The following RYR2 variants were observed in gnomAD, a reference collection of about 807,000 sequenced individuals.
RYR2 encodes cardiac muscle ryanodine receptor-calcium release channel.
Under a neutral mutation model 601.1 loss-of-function variants are expected in RYR2, and 227 were observed. The observed-to-expected ratio is 0.38, with a 90% CI of 0.34 to 0.42. The LOEUF (loss-of-function observed/expected upper bound fraction) is 0.42. Among genes scored for constraint, RYR2 ranks in the 10% least tolerant of loss-of-function variants. The probability of loss-of-function intolerance (pLI) is 1.00; values close to 1 mark genes in which losing one functional copy is unlikely to be tolerated. For synonymous variants in RYR2, 2,223 were observed against 2,175.1 expected, an observed-to-expected ratio of 1.02 and a Z score of -0.61; for missense variants, 4,646 against 6,156.5, an observed-to-expected ratio of 0.75 and a Z score of 8.21.
intron 2 of RYR2, among the ~76,000 whole-genome samples, chr1:237,313,644 T>C (rs1313778460): frequency 6.6e-6 from 1 of 152,166 alleles, no homozygotes; most frequent in African/African-American, 2.4e-5. Context: ...TCTAGAACTG[T>C]TAGAGAAAAA....
At chr1:237,812,433 A>ATC (rs1661350265) in intron 100 of RYR2, among the ~76,000 whole-genome samples, 1 of 152,176 alleles carries the variant, frequency 6.6e-6, no homozygotes, top group Admixed American at 6.5e-5. Flanking sequence ...GAAATTCCAG[A>ATC]AGTTTTGGAA....
intron 50 of RYR2, among the ~76,000 whole-genome samples, chr1:237,650,772 C>A (rs1056409704): frequency 6.6e-6 from 1 of 152,278 alleles, no homozygotes; most frequent in African/African-American, 2.4e-5. Flanking sequence ...AAGTTTTCAC[C>A]CATGGGGGAG....
chr1:237,746,396 G>A (rs1245248249), intron 80 of RYR2, among the ~76,000 whole-genome samples: 1 of 152,014 alleles, frequency 6.6e-6, no homozygotes, highest in East Asian at 1.9e-4. Context: ...ATTCCATAAA[G>A]TCATTGAGAA....
chr1:237,392,961 G>A (rs1208715782), intron 10 of RYR2, among the ~76,000 whole-genome samples: 1 of 152,164 alleles, frequency 6.6e-6, no homozygotes, highest in African/African-American at 2.4e-5. Context: ...TTACATTCTA[G>A]TGGGCATATG....
rs1664084075 is a variant in RYR2, at chr1:237,833,775, T to TTCATCAGTTGCATCAC, written c.*1129_*1144dup. The TTCATCAGTTGCATCAC allele has an allele frequency of 6.6e-6, 1 of 152,644 alleles. No individual in the cohort carries two copies. Among genetic ancestry groups the TTCATCAGTTGCATCAC allele is most frequent in the Non-Finnish European group, 1.5e-5 (1 of 68,030 alleles). The allele number at this position is 152,644 out of a possible 1,614,324, so 9.5% of individuals were successfully genotyped here. A position where few individuals can be genotyped will look rare whatever the true frequency, so the allele number is the denominator to read the frequency against. ...GCTGAAGCAATATCCATTCAGGGATTTCATCAGTTGCATCACAAAACACGG... is the reference window on the plus strand; with the variant it reads ...GCTGAAGCAATATCCATTCAGGGATTTCATCAGTTGCATCACTCATCAGTTGCATCACAAAACACGG... On this transcript the variant is annotated 3_prime_UTR_variant, in exon 105 of 105. Coordinates refer to ENST00000366574, the MANE Select transcript of RYR2 (RefSeq NM_001035.3).
Position 237,759,660 on chromosome 1 carries a change from A to G in RYR2, c.11326-116A>G. The G allele has an allele frequency of 4.1e-6, 3 of 733,580 alleles. No homozygotes were observed. The Admixed American group carries it at 6.1e-5, about 15-fold the overall frequency. 45.4% of individuals were successfully genotyped at this position (733,580 alleles called of 1,614,324 possible). ...TAAAGATGGCATTAGTCATGTTTGT[A>G]CGCAGTGAATATTTTCTGTCTATTC... On this transcript the variant is annotated intron_variant, in intron 82 of 104. Coordinates refer to ENST00000366574, the MANE Select transcript of RYR2 (RefSeq NM_001035.3).
At chr1:237,415,725 A>C (rs1176530609) in intron 10 of RYR2, among the ~76,000 whole-genome samples, 1 of 152,236 alleles carries the variant, frequency 6.6e-6, no homozygotes. Flanking sequence ...AAAGAAACTT[A>C]AGACCCCTAA....
rs1167337849 is a variant in RYR2 at position 237,503,354 on chromosome 1, C to T, written c.2462C>T (p.Pro821Leu). 6.2e-7 allele frequency: 1 copy of T among 1,613,784 alleles called. No homozygotes were observed. Among genetic ancestry groups the T allele is most frequent in the African/African-American group, 1.3e-5 (1 of 74,866 alleles). The stretch of plus-strand genomic sequence containing the variant: ...TTTCTTCCTCCACCTGGGTATGCTC[C>T]TTGTTATGAAGCTGTTCTGCCAAAA... ...FKFLPPPGYA[P>L]CYEAVLPKEK... Residue 821 changes from proline to leucine, a missense_variant, in exon 22 of 105, where the codon CCT (proline) becomes CTT (leucine). This residue lies in a region of RYR2 where 1,807 missense variants were observed against 2,088.1 expected (regional missense o/e 0.87). Coordinates refer to ENST00000366574, the MANE Select transcript of RYR2 (RefSeq NM_001035.3).
chr1:237,681,497 T>G (rs1273558768), intron 62 of RYR2, among the ~76,000 whole-genome samples: 2 of 152,148 alleles, frequency 1.3e-5, no homozygotes, highest in African/African-American at 4.8e-5. Context: ...ATTGTCTATT[T>G]TACCAAGTAG....
chr1:237,784,463 A>C lies in RYR2; in HGVS notation c.12751A>C (p.Asn4251His), dbSNP rs764955292. Reference sequence around the variant, plus strand: ...GTCGGCCCTGTTTGCGCTCAGGTACAATATCTTGACCCTTATGCGAATGCT... The same window carrying C: ...GTCGGCCCTGTTTGCGCTCAGGTACCATATCTTGACCCTTATGCGAATGCT... ...VRSALFALRY[N>H]ILTLMRMLSL... Residue 4251 changes from asparagine to histidine, a missense_variant, in exon 90 of 105, where the codon AAT becomes CAT. Around this residue, in one of 17 missense-constraint regions of RYR2, gnomAD observed 364 missense variants for 442.9 expected, o/e 0.82. Transcript: ENST00000366574. The surrounding 1 kb of genome is among the most constrained non-coding windows in gnomAD (Gnocchi z 7.1). The C allele has an allele frequency of 6.2e-7, 1 of 1,613,560 alleles. No individual in the cohort carries two copies. The highest frequency in any genetic ancestry group is 8.5e-7 in the Non-Finnish European group (1 of 1,179,782).
At chr1:237,788,771 A>G (rs542375321) in intron 92 of RYR2, among the ~76,000 whole-genome samples, 1 of 152,302 alleles carries the variant, frequency 6.6e-6, no homozygotes, top group East Asian at 1.9e-4. Flanking sequence ...TCCCCTAATT[A>G]GTAAAGCACA....
At chr1:237,299,188 G>C (rs907170879) in intron 2 of RYR2, among the ~76,000 whole-genome samples, 6 of 145,460 alleles carry the variant, frequency 4.1e-5, no homozygotes, top group Non-Finnish European at 7.5e-5. Flanking sequence ...GAGAAACTGA[G>C]AGTAAATCTC....
chr1:237,504,103 G>A (rs889422803), intron 22 of RYR2, among the ~76,000 whole-genome samples: 3 of 152,190 alleles, frequency 2.0e-5, no homozygotes, highest in Non-Finnish European at 2.9e-5. Flanking sequence ...CACTGTTCAA[G>A]GTTGTCTTTA....
At chr1:237,463,064 T>A (rs1558861499) in intron 16 of RYR2, among the ~76,000 whole-genome samples, 1 of 152,144 alleles carries the variant, frequency 6.6e-6, no homozygotes, top group Non-Finnish European at 1.5e-5. Context: ...CATTCTGAAG[T>A]GTTTTGTTTT....
At chr1:237,511,867 T>C (rs1320409743) in intron 24 of RYR2, 76 bp downstream of exon 24, 3 of 822,414 alleles carry the variant, frequency 3.6e-6, no homozygotes, top group Non-Finnish European at 5.5e-6. Flanking sequence ...AAACAGGTAT[T>C]GATGCTATAT....
chr1:237,639,502 C>T (rs970291607), intron 46 of RYR2, among the ~76,000 whole-genome samples: 6 of 152,156 alleles, frequency 3.9e-5, no homozygotes, highest in Admixed American at 6.5e-5. Flanking sequence ...GTAAATGATA[C>T]GAAGTGAACC....
chr1:237,271,657 A>C (rs1258864001), intron 2 of RYR2, among the ~76,000 whole-genome samples: 1 of 152,196 alleles, frequency 6.6e-6, no homozygotes, highest in African/African-American at 2.4e-5. Context: ...AAGAGCTATG[A>C]AGAGGGTAAA....
chr1:237,044,744 T>G (rs1189336930), intron 1 of RYR2, among the ~76,000 whole-genome samples: 4 of 151,760 alleles, frequency 2.6e-5, no homozygotes, highest in African/African-American at 9.7e-5. Flanking sequence ...CTTTACCGGC[T>G]TCTCCACCCA....
At chr1:237,058,445 A>C (rs1662439283) in intron 1 of RYR2, among the ~76,000 whole-genome samples, 1 of 152,324 alleles carries the variant, frequency 6.6e-6, no homozygotes, top group South Asian at 2.1e-4. Context: ...TCTTTCAAAA[A>C]AATCTAACCA....
Sources: gnomAD v4.1 joint callset for allele counts (sites outside exome capture counted in the v4.1 genomes callset) on GRCh38, gnomAD v4.1.1 for gene constraint, gnomAD v4.1.1 regional missense constraint, Gnocchi (gnomAD v3.1) non-coding constraint, MANE v1.5 for transcripts, NCBI Gene and HGNC (gene_info 2026-07-23, HGNC 2026-07-21) for gene names.